RUNX2: variants seen among roughly 807,000 people sequenced by gnomAD.
RUNX2 encodes the protein runt-related transcription factor 2.
In RUNX2, 10 loss-of-function variants were observed where a neutral mutation model predicts 51.7. The ratio of observed to expected loss-of-function variants is 0.19; its 90% CI spans 0.12 to 0.33. The LOEUF is 0.33. Ranked by LOEUF, RUNX2 falls within the 10% of genes least tolerant of loss-of-function variation. The pLI is 1.00. For missense variants in RUNX2, 562 were observed against 691.3 expected, an observed-to-expected ratio of 0.81 and a Z score of 2.10; for synonymous variants, 276 against 273.6, an observed-to-expected ratio of 1.01 and a Z score of -0.09.
At chr6:45,514,983 G>T (rs1336169426) in intron 7 of RUNX2, among the ~76,000 whole-genome samples, 2 of 151,164 alleles carry the variant, frequency 1.3e-5, no homozygotes, top group Non-Finnish European at 2.9e-5. Context: ...AAGTCCTTTG[G>T]ATTGAGTCCA....
chr6:45,482,943 T>A (rs932335975), intron 5 of RUNX2, among the ~76,000 whole-genome samples: 1 of 152,218 alleles, frequency 6.6e-6, no homozygotes, highest in Non-Finnish European at 1.5e-5. Context: ...GTAGTGATTA[T>A]GATTTTTTTC....
intron 6 of RUNX2, among the ~76,000 whole-genome samples, chr6:45,501,526 G>A (rs1228375859): frequency 2.0e-5 from 3 of 152,176 alleles, no homozygotes; most frequent in African/African-American, 7.2e-5. Context: ...TGGTGAAGAT[G>A]CTGGACAGAA....
intron 4 of RUNX2, among the ~76,000 whole-genome samples, chr6:45,435,695 A>T (rs1798666854): frequency 1.3e-5 from 2 of 152,302 alleles, no homozygotes; most frequent in East Asian, 3.9e-4. Flanking sequence ...GACATTAAGG[A>T]TAACTGAGAT....
At chr6:45,367,814 T>C (rs768514592) in intron 2 of RUNX2, among the ~76,000 whole-genome samples, 6 of 152,198 alleles carry the variant, frequency 3.9e-5, no homozygotes, top group Non-Finnish European at 8.8e-5. Flanking sequence ...TAGTTTATTA[T>C]AACCATGATC....
chr6:45,430,028 A>G (rs1311225174), intron 3 of RUNX2, among the ~76,000 whole-genome samples: 1 of 151,402 alleles, frequency 6.6e-6, no homozygotes, highest in African/African-American at 2.4e-5. Flanking sequence ...TGGGAGGTGG[A>G]GGTTGCAGTG....
At chr6:45,499,927 T>C (rs1472922279) in intron 6 of RUNX2, among the ~76,000 whole-genome samples, 1 of 152,228 alleles carries the variant, frequency 6.6e-6, no homozygotes, top group Non-Finnish European at 1.5e-5. Flanking sequence ...TATACATATG[T>C]ATATGTACGT....
At chr6:45,389,658 A>G (rs1797426981) in intron 2 of RUNX2, among the ~76,000 whole-genome samples, 1 of 152,222 alleles carries the variant, frequency 6.6e-6, no homozygotes, top group Admixed American at 6.5e-5. Flanking sequence ...TAACCTGATT[A>G]AAATATGATA....
intron 5 of RUNX2, among the ~76,000 whole-genome samples, chr6:45,468,069 C>T (rs745731842): frequency 9.2e-5 from 14 of 152,228 alleles, no homozygotes; most frequent in Non-Finnish European, 1.9e-4. Context: ...CAAGTACAGG[C>T]TTCTCAGGCT....
intron 2 of RUNX2, among the ~76,000 whole-genome samples, chr6:45,410,382 A>G (rs371541072): frequency 7.9e-5 from 12 of 152,250 alleles, no homozygotes; most frequent in African/African-American, 2.7e-4. Context: ...AAGAAGTAGC[A>G]TTAATAGAAT....
intron 2 of RUNX2, among the ~76,000 whole-genome samples, chr6:45,362,419 TGAAATTACTGTAACACA>T (rs1274281947): frequency 2.6e-5 from 4 of 152,130 alleles, no homozygotes; most frequent in African/African-American, 9.7e-5. Context: ...AGTCACAGAA[TGAAATTACTGTAACACA>T]AAATAAACAT....
At position 45,422,793 on chromosome 6, in the gene RUNX2, G is replaced by T; in HGVS notation, c.259G>T (p.Ala87Ser). 1 of 1,498,500 alleles carries T rather than the reference G, an allele frequency of 6.7e-7. No individual in the cohort carries two copies. The highest frequency in any genetic ancestry group is 8.8e-7 in the Non-Finnish European group (1 of 1,130,570). The allele number at this position is 1,498,500 out of a possible 1,614,324, so 92.8% of individuals were successfully genotyped here. ...GGCGGCGGCGGCGGCTGCGGCGGCG[G>T]CAGCTGCAGTGCCCCGGTTGCGGCC... Reference protein sequence around the residue: ...AAAAAAAAAAAAAVPRLRPPH... With the variant: ...AAAAAAAAAASAAVPRLRPPH... The change falls in exon 3 of 9, where the codon GCA becomes TCA. Residue 87 changes from alanine to serine, a missense_variant. Physicochemically the swap from Ala to Ser is moderately conservative, Grantham distance 99. This residue lies in a region of RUNX2 where 153 missense variants were observed against 144.8 expected (regional missense o/e 1.06). Transcript: ENST00000647337.
At chr6:45,523,970 C>A (rs947980680) in intron 7 of RUNX2, among the ~76,000 whole-genome samples, 2 of 151,938 alleles carry the variant, frequency 1.3e-5, no homozygotes, top group African/African-American at 4.8e-5. Context: ...AAAGAGATAA[C>A]TAAACAAGTA....
At chr6:45,511,753 A>C (rs1392448147) in intron 6 of RUNX2, among the ~76,000 whole-genome samples, 2 of 152,188 alleles carry the variant, frequency 1.3e-5, no homozygotes, top group Non-Finnish European at 2.9e-5. Context: ...AAAACCAAAA[A>C]GCATGTCTGA....
At position 45,549,998 on chromosome 6, in the gene RUNX2, C is replaced by G. The variant is rs1582235830; in HGVS notation, c.*2693C>G. The G allele has an allele frequency of 7.5e-6, 1 of 132,752 alleles. No homozygotes were observed. The highest frequency in any genetic ancestry group is 3.0e-5 in the African/African-American group (1 of 33,294). 8.2% of individuals were successfully genotyped at this position (132,752 alleles called of 1,614,324 possible). On this transcript the variant is annotated 3_prime_UTR_variant, in exon 9 of 9. Coordinates refer to ENST00000647337, the MANE Select transcript of RUNX2 (RefSeq NM_001024630.4). The stretch of plus-strand genomic sequence containing the variant: ...AGGGATTAAAATTTTGTTTTTCTTT[C>G]TTTCTTTTTTTTTTTTTTTCACTGA...
intron 5 of RUNX2, among the ~76,000 whole-genome samples, chr6:45,478,947 G>C (rs1390915542): frequency 1.3e-5 from 2 of 151,806 alleles, no homozygotes; most frequent in Admixed American, 6.6e-5. Context: ...GAGTGCAGTG[G>C]CACCATCTCG....
At chr6:45,396,573 T>G (rs1037664490) in intron 2 of RUNX2, among the ~76,000 whole-genome samples, 3 of 152,186 alleles carry the variant, frequency 2.0e-5, no homozygotes. Flanking sequence ...GCCCAGCTAA[T>G]TTTTAAATTT....
At chr6:45,433,907 A>T (rs1798611666) in intron 4 of RUNX2, among the ~76,000 whole-genome samples, 1 of 152,176 alleles carries the variant, frequency 6.6e-6, no homozygotes, top group Non-Finnish European at 1.5e-5. Flanking sequence ...TATATTTCTT[A>T]TGATCTTAAC....
Position 45,547,229 on chromosome 6 carries a change from A to G in RUNX2, c.1490A>G (p.Asp497Gly). ...LPNQNDGVDADGSHSSSPTVL... is the reference protein window; with the variant it reads ...LPNQNDGVDAGGSHSSSPTVL... ...AACCAGAATGATGGTGTTGACGCTGATGGAAGCCACAGCAGTTCCCCAACT... is the reference window on the plus strand; with the variant it reads ...AACCAGAATGATGGTGTTGACGCTGGTGGAAGCCACAGCAGTTCCCCAACT... The change falls in exon 9 of 9, where the codon GAT becomes GGT. Residue 497 changes from aspartate (D) to glycine (G), a missense_variant. By Grantham distance (94) the Asp-to-Gly change is moderately conservative. Around this residue, in one of 5 missense-constraint regions of RUNX2, gnomAD observed 304 missense variants for 353.2 expected, o/e 0.86. Coordinates refer to ENST00000647337, the MANE Select transcript of RUNX2 (RefSeq NM_001024630.4). 6.2e-7 allele frequency: 1 copy of G among 1,614,182 alleles called. No individual in the cohort carries two copies. The highest frequency in any genetic ancestry group is 8.5e-7 in the Non-Finnish European group (1 of 1,180,018).
intron 5 of RUNX2, among the ~76,000 whole-genome samples, chr6:45,470,559 T>C (rs1032105941): frequency 1.3e-5 from 2 of 152,146 alleles, no homozygotes; most frequent in Admixed American, 1.3e-4. Flanking sequence ...TACCACAGAT[T>C]TGGGGGATGA....
Sources: allele counts gnomAD v4.1 joint callset (sites outside exome capture counted in the v4.1 genomes callset), GRCh38; gene constraint gnomAD v4.1.1; regional missense constraint gnomAD v4.1.1; transcripts MANE v1.5; gene names NCBI Gene and HGNC (gene_info 2026-07-23, HGNC 2026-07-21).